Variants in CACNA2D3 observed in about 807,000 individuals in gnomAD.
CACNA2D3 encodes calcium voltage-gated channel auxiliary subunit alpha2delta 3, also known as voltage-dependent calcium channel subunit alpha-2/delta-3.
In CACNA2D3, 60 loss-of-function variants were observed where a neutral mutation model predicts 160.6. The ratio of observed to expected loss-of-function variants is 0.37; its 90% CI spans 0.30 to 0.46. The LOEUF (loss-of-function observed/expected upper bound fraction) is 0.46, where lower values mean the gene tolerates loss of function less well. CACNA2D3 is among the 20% of genes least tolerant of loss of function. The pLI is 1.00. For synonymous variants in CACNA2D3, 558 were observed against 492.9 expected (o/e 1.13, Z -1.75); for missense variants, 1,205 against 1,365.0 (o/e 0.88, Z 1.85).
intron 35 of CACNA2D3, among the ~76,000 whole-genome samples, chr3:55,026,520 G>A (rs1002995677): frequency 1.8e-4 from 28 of 152,154 alleles, no homozygotes; most frequent in African/African-American, 3.4e-4. Context: ...CACGGGGGTC[G>A]CAGAAGGAAG....
intron 2 of CACNA2D3, among the ~76,000 whole-genome samples, chr3:54,171,789 T>C (rs1400842530): frequency 6.6e-6 from 1 of 152,194 alleles, no homozygotes; most frequent in Non-Finnish European, 1.5e-5. Flanking sequence ...GAACTTTGGA[T>C]TATTCGAGGC....
intron 4 of CACNA2D3, among the ~76,000 whole-genome samples, chr3:54,427,144 C>T (rs769764647): frequency 4.6e-5 from 7 of 152,098 alleles, no homozygotes; most frequent in Non-Finnish European, 1.0e-4. Flanking sequence ...TTTACTTGGG[C>T]GTGAACTGGG....
chr3:54,205,528 T>C (rs1238002626), intron 2 of CACNA2D3, among the ~76,000 whole-genome samples: 2 of 152,218 alleles, frequency 1.3e-5, no homozygotes, highest in African/African-American at 4.8e-5. Context: ...TTGAATGTTT[T>C]GAAAATTATG....
At chr3:54,755,385 A>G (rs182560358) in intron 12 of CACNA2D3, among the ~76,000 whole-genome samples, 46 of 152,238 alleles carry the variant, frequency 3.0e-4, no homozygotes, top group African/African-American at 9.1e-4. Flanking sequence ...ACCTGCACCC[A>G]TCTTTCCCTT....
intron 35 of CACNA2D3, among the ~76,000 whole-genome samples, chr3:55,050,455 G>A (rs1213679838): frequency 2.0e-5 from 3 of 151,434 alleles, no homozygotes; most frequent in Non-Finnish European, 4.4e-5. Flanking sequence ...GGCTTGTAGA[G>A]TTTCTGCCGA....
chr3:54,764,176 T>C lies in CACNA2D3; in HGVS notation c.1247-42T>C, dbSNP rs753585855. 4 of 1,610,146 alleles carry C rather than the reference T, an allele frequency of 2.5e-6. No homozygotes were observed. In the African/African-American group the frequency reaches 4.0e-5, roughly 16 times the overall value. On this transcript the variant is annotated intron_variant, in intron 12 of 37. Coordinates refer to ENST00000474759, the MANE Select transcript of CACNA2D3 (RefSeq NM_018398.3). ...ATGCATATTCCCAGTTGCAAGTCTTTCTGTCTGTTACTAAACTTGGCCCTC... is the reference window on the plus strand; with the variant it reads ...ATGCATATTCCCAGTTGCAAGTCTTCCTGTCTGTTACTAAACTTGGCCCTC...
chr3:54,893,752 T>C (rs1700121861), intron 25 of CACNA2D3, among the ~76,000 whole-genome samples: 1 of 151,012 alleles, frequency 6.6e-6, no homozygotes, highest in Admixed American at 6.6e-5. Flanking sequence ...AGGTCGATTA[T>C]ACTGAAACTT....
chr3:54,176,027 C>T (rs1199431653), intron 2 of CACNA2D3, among the ~76,000 whole-genome samples: 1 of 152,190 alleles, frequency 6.6e-6, no homozygotes, highest in Non-Finnish European at 1.5e-5. Context: ...CTGTTTTCTT[C>T]TTTGGTATAT....
chr3:54,585,645 A>T (rs554007139), intron 9 of CACNA2D3, among the ~76,000 whole-genome samples: 1 of 152,352 alleles, frequency 6.6e-6, no homozygotes, highest in African/African-American at 2.4e-5. Context: ...GGCACATCTT[A>T]CATGGCAGCA....
In CACNA2D3 at chr3:54,595,937, A is replaced by C. The variant is rs148035222; in HGVS notation, c.963+14060A>C. The stretch of plus-strand genomic sequence containing the variant: ...ACAGAGGAGCAAAGCCATTTACTCT[A>C]TATAGGGCCCCTTGAATGCCACTCA... On this transcript the variant is annotated intron_variant, in intron 9 of 37. Transcript: ENST00000474759. Among the ~76,000 whole-genome samples, 337 of 152,222 alleles carry C rather than the reference A, an allele frequency of 2.2e-3. 2 individuals are homozygous for C. The highest frequency in any genetic ancestry group is 7.6e-3 in the African/African-American group (316 of 41,526).
intron 11 of CACNA2D3, among the ~76,000 whole-genome samples, chr3:54,731,027 C>A (rs150658598): frequency 2.0e-4 from 30 of 152,304 alleles, no homozygotes; most frequent in Admixed American, 1.5e-3. Flanking sequence ...CCCATTTGAT[C>A]TACCACACAG....
chr3:54,403,775 A>G (rs1699521070), intron 4 of CACNA2D3, among the ~76,000 whole-genome samples: 1 of 152,144 alleles, frequency 6.6e-6, no homozygotes, highest in Admixed American at 6.5e-5. Context: ...GAGAAGACTC[A>G]AATATATGAA....
At chr3:54,291,629 G>A (rs745401203) in intron 2 of CACNA2D3, among the ~76,000 whole-genome samples, 10 of 152,064 alleles carry the variant, frequency 6.6e-5, no homozygotes, top group Non-Finnish European at 1.0e-4. Context: ...CCTGGCGGGA[G>A]CAGTTGGTTT....
intron 17 of CACNA2D3, among the ~76,000 whole-genome samples, chr3:54,863,851 C>G (rs903731786): frequency 1.3e-5 from 2 of 152,156 alleles, no homozygotes; most frequent in African/African-American, 4.8e-5. Context: ...AGCACAGTAC[C>G]TTTTAGAAAA....
intron 11 of CACNA2D3, among the ~76,000 whole-genome samples, chr3:54,644,566 C>T (rs1699596651): frequency 6.6e-6 from 1 of 152,122 alleles, no homozygotes; most frequent in Admixed American, 6.5e-5. Flanking sequence ...GTTAGCTATT[C>T]AGTAGAGAGT....
chr3:54,146,880 G>A (rs969662859), intron 2 of CACNA2D3, among the ~76,000 whole-genome samples: 8 of 152,232 alleles, frequency 5.3e-5, no homozygotes, highest in African/African-American at 1.4e-4. Flanking sequence ...TCACAGTTGT[G>A]GACACTGCCA....
rs1263558915 is a variant in CACNA2D3, at chr3:54,189,860, A to G, written c.204+66266A>G. ...AAAGGAGTTGTTTTCTTATGTCATTAAAGTTAATGAGTACACATAATTTTC... is the reference window on the plus strand; with the variant it reads ...AAAGGAGTTGTTTTCTTATGTCATTGAAGTTAATGAGTACACATAATTTTC... On this transcript the variant is annotated intron_variant, in intron 2 of 37. Coordinates refer to ENST00000474759, the MANE Select transcript of CACNA2D3 (RefSeq NM_018398.3). 2.0e-5 allele frequency among the ~76,000 whole-genome samples: 3 copies of G among 152,330 alleles called. No homozygotes were observed. The East Asian group carries it at 5.8e-4, about 29-fold the overall frequency.
At position 54,738,679 on chromosome 3, in the gene CACNA2D3, C is replaced by T. The variant is rs907563867; in HGVS notation, c.1168-13920C>T. Among the ~76,000 whole-genome samples the T allele has an allele frequency of 2.6e-5, 4 of 152,330 alleles. 1 individual carries two copies. In the South Asian group the frequency reaches 6.2e-4, roughly 24 times the overall value. ...CCTTTGCCATCATCCCTATACATTT[C>T]CATGTAAGTTCTGCCTATGGGTTTA... On this transcript the variant is annotated intron_variant, in intron 11 of 37. Transcript: ENST00000474759.
At chr3:54,184,145 C>CTT in intron 2 of CACNA2D3, among the ~76,000 whole-genome samples, 2 of 152,208 alleles carry the variant, frequency 1.3e-5, no homozygotes, top group East Asian at 3.9e-4. Flanking sequence ...AATAAGTACT[C>CTT]TTACAGAGTT....
Sources: allele counts gnomAD v4.1 joint callset (sites outside exome capture counted in the v4.1 genomes callset), GRCh38; gene constraint gnomAD v4.1.1; transcripts MANE v1.5; gene names NCBI Gene and HGNC (gene_info 2026-07-23, HGNC 2026-07-21).